The following SLC22A23 variants were observed in gnomAD, a reference collection of about 807,000 sequenced individuals.
SLC22A23 encodes the protein solute carrier family 22 member 23.
SLC22A23 carries 26 observed loss-of-function variants against 61.0 expected under a neutral mutation model. That is an observed-to-expected ratio of 0.43 (90% CI 0.31 to 0.59). The LOEUF (loss-of-function observed/expected upper bound fraction) is 0.59, where lower values mean the gene tolerates loss of function less well. SLC22A23 is among the 20% of genes least tolerant of loss of function. The probability of loss-of-function intolerance (pLI) is 0.11; values close to 1 mark genes in which losing one functional copy is unlikely to be tolerated. For synonymous variants in SLC22A23, 430 were observed against 413.9 expected (o/e 1.04, Z -0.47); for missense variants, 796 against 934.7 (o/e 0.85, Z 1.94).
rs1192694586 is a variant in SLC22A23, at chr6:3,386,367, C to G, written c.913+23821G>C. ...CTGGAGAGCGAAGGAGAAGGGAGAG[C>G]ACGCTTGCTCTGTGTACGCCACACG... is the stretch of plus-strand genomic sequence containing the variant. On this transcript the variant is annotated intron_variant, in intron 3 of 9. Coordinates refer to ENST00000406686, the MANE Select transcript of SLC22A23 (RefSeq NM_015482.2). This position sits in a 1 kb window ranked among gnomAD's most constrained non-coding sequence, Gnocchi z 4.4. Among the ~76,000 whole-genome samples, 1 of 152,186 alleles carries G rather than the reference C, an allele frequency of 6.6e-6. No homozygotes were observed. The highest frequency in any genetic ancestry group is 6.5e-5 in the Admixed American group (1 of 15,282).
rs548352381 is a variant in SLC22A23 at position 3,390,613 on chromosome 6, T to A, written c.913+19575A>T. Among the ~76,000 whole-genome samples, 6 of 152,280 alleles carry A rather than the reference T, an allele frequency of 3.9e-5. No homozygotes were observed. The highest frequency in any genetic ancestry group is 4.8e-5 in the African/African-American group (2 of 41,556). On this transcript the variant is annotated intron_variant, in intron 3 of 9. Coordinates refer to ENST00000406686, the MANE Select transcript of SLC22A23 (RefSeq NM_015482.2). The surrounding 1 kb of genome is among the most constrained non-coding windows in gnomAD (Gnocchi z 4.0). ...TAAATGTTACCTAAGAATAACCTAA[T>A]GCAGAGATGTACACACTGGGGCCAC...
chr6:3,362,257 A>G (rs1449257933), intron 3 of SLC22A23, among the ~76,000 whole-genome samples: 2 of 151,558 alleles, frequency 1.3e-5, no homozygotes, highest in Admixed American at 1.3e-4. Context: ...ACAAAAAATT[A>G]GCTGGGCGTG....
chr6:3,368,297 T>C (rs1284440638), intron 3 of SLC22A23, among the ~76,000 whole-genome samples: 1 of 152,210 alleles, frequency 6.6e-6, no homozygotes, highest in East Asian at 1.9e-4. Context: ...TTGCACCCCA[T>C]GCTCAACCCG....
At chr6:3,355,667 T>C (rs368377789) in intron 3 of SLC22A23, among the ~76,000 whole-genome samples, 2 of 152,090 alleles carry the variant, frequency 1.3e-5, no homozygotes, top group African/African-American at 4.8e-5. Flanking sequence ...GCTAGGCCAC[T>C]TGATGCCTGG....
chr6:3,429,908 G>A (rs902634236), intron 1 of SLC22A23, among the ~76,000 whole-genome samples: 1 of 152,200 alleles, frequency 6.6e-6, no homozygotes, highest in Non-Finnish European at 1.5e-5. Context: ...GAGTGGGGAT[G>A]AGTTATAGTT....
chr6:3,380,861 C>T (rs1766909640), intron 3 of SLC22A23, among the ~76,000 whole-genome samples: 1 of 152,170 alleles, frequency 6.6e-6, no homozygotes, highest in African/African-American at 2.4e-5. Flanking sequence ...GGAGCAGCTA[C>T]CATTGTGAAT....
intron 3 of SLC22A23, among the ~76,000 whole-genome samples, chr6:3,335,284 C>T (rs528037650): frequency 1.1e-4 from 17 of 152,294 alleles, no homozygotes; most frequent in African/African-American, 3.1e-4. Flanking sequence ...GCGGAGGCTC[C>T]GAGGCCTTCT....
intron 1 of SLC22A23, among the ~76,000 whole-genome samples, chr6:3,452,328 C>A (rs1454063131): frequency 6.6e-6 from 1 of 152,038 alleles, no homozygotes; most frequent in Non-Finnish European, 1.5e-5. Flanking sequence ...GCTGGTGGCT[C>A]ACACCTATAA....
At chr6:3,334,391 C>T (rs1394774650) in intron 3 of SLC22A23, among the ~76,000 whole-genome samples, 1 of 152,144 alleles carries the variant, frequency 6.6e-6, no homozygotes, top group Non-Finnish European at 1.5e-5. Flanking sequence ...GAACTCCTGA[C>T]CTCAGGCGAT....
At chr6:3,284,896 G>A in intron 8 of SLC22A23, 183 bp downstream of exon 8, 1 of 1,536,878 alleles carries the variant, frequency 6.5e-7, no homozygotes, top group Non-Finnish European at 8.7e-7. Flanking sequence ...CTTTCTAGAG[G>A]CAAGAGGGAG....
In SLC22A23 at chr6:3,309,034, A is replaced by G. The variant is rs998620601; in HGVS notation, c.1083-10816T>C. ...ACCCCATGGCTTCAATTAATCTTAAAAAGAGCCGAGGGCTGGGCGCTTTGG... is the reference window on the plus strand; with the variant it reads ...ACCCCATGGCTTCAATTAATCTTAAGAAGAGCCGAGGGCTGGGCGCTTTGG... On this transcript the variant is annotated intron_variant, in intron 4 of 9. Coordinates refer to ENST00000406686, the MANE Select transcript of SLC22A23 (RefSeq NM_015482.2). The surrounding 1 kb of genome is among the most constrained non-coding windows in gnomAD (Gnocchi z 4.7). Among the ~76,000 whole-genome samples the G allele has an allele frequency of 6.6e-6, 1 of 151,330 alleles. No homozygotes were observed. The highest frequency in any genetic ancestry group is 1.5e-5 in the Non-Finnish European group (1 of 67,888).
At chr6:3,355,326 T>C (rs1765004491) in intron 3 of SLC22A23, among the ~76,000 whole-genome samples, 2 of 152,080 alleles carry the variant, frequency 1.3e-5, no homozygotes, top group African/African-American at 4.8e-5. Context: ...CATCGACTTA[T>C]TAGGTACAGT....
intron 3 of SLC22A23, among the ~76,000 whole-genome samples, chr6:3,373,097 A>G (rs1229079418): frequency 6.6e-6 from 1 of 152,148 alleles, no homozygotes; most frequent in Non-Finnish European, 1.5e-5. Flanking sequence ...CTCACAAACA[A>G]TGTGGATTGT....
At position 3,387,864 on chromosome 6, in the gene SLC22A23, A is replaced by G. The variant is rs986916877; in HGVS notation, c.913+22324T>C. On this transcript the variant is annotated intron_variant, in intron 3 of 9. Coordinates refer to ENST00000406686, the MANE Select transcript of SLC22A23 (RefSeq NM_015482.2). The surrounding 1 kb of genome is among the most constrained non-coding windows in gnomAD (Gnocchi z 5.0). ...TGAGGGTGAGTGGCAGGAAAGGAGA[A>G]GGCAGGCCGCAGCGAGGATGTCCTG... Among the ~76,000 whole-genome samples, 1 of 152,220 alleles carries G rather than the reference A, an allele frequency of 6.6e-6. No homozygotes were observed. Among genetic ancestry groups the G allele is most frequent in the Admixed American group, 6.5e-5 (1 of 15,286 alleles).
In SLC22A23 at chr6:3,309,124, AC is replaced by A. The variant is rs1762194925; in HGVS notation, c.1083-10907del. Among the ~76,000 whole-genome samples, 1 of 148,676 alleles carries A rather than the reference AC, an allele frequency of 6.7e-6. No homozygotes were observed. The highest frequency in any genetic ancestry group is 1.5e-5 in the Non-Finnish European group (1 of 67,184). ...AGACCAGCCTGTCCAACATGGTGAA[AC>A]CCCCATCTCTACTAAAAACGCAAAA... On this transcript the variant is annotated intron_variant, in intron 4 of 9. Coordinates refer to ENST00000406686, the MANE Select transcript of SLC22A23 (RefSeq NM_015482.2). The surrounding 1 kb of genome is among the most constrained non-coding windows in gnomAD (Gnocchi z 4.7).
intron 1 of SLC22A23, among the ~76,000 whole-genome samples, chr6:3,422,933 CCA>C (rs1251619664): frequency 6.6e-6 from 1 of 152,170 alleles, no homozygotes; most frequent in Non-Finnish European, 1.5e-5. Flanking sequence ...GAAACCCACC[CCA>C]GAGCCACACC....
chr6:3,276,356 C>G (rs1462849427), intron 9 of SLC22A23, among the ~76,000 whole-genome samples: 1 of 152,224 alleles, frequency 6.6e-6, no homozygotes, highest in Non-Finnish European at 1.5e-5. Context: ...AGCCCATGAC[C>G]AAGTCCTCAG....
In SLC22A23 at chr6:3,269,831, G is replaced by A. The variant is rs1456938786; in HGVS notation, c.*3224C>T. ...GGTGTGACCTCACAGGCCCACTTAT[G>A]GCACTTGCAGTTTGGGATTGCTCAT... On this transcript the variant is annotated 3_prime_UTR_variant, in exon 10 of 10. Transcript: ENST00000406686. 2.6e-5 allele frequency: 4 copies of A among 152,834 alleles called. No individual in the cohort carries two copies. Among genetic ancestry groups the A allele is most frequent in the African/African-American group, 7.2e-5 (3 of 41,460 alleles). The allele number at this position is 152,834 out of a possible 1,614,324, so 9.5% of individuals were successfully genotyped here. A position where few individuals can be genotyped will look rare whatever the true frequency, so the allele number is the denominator to read the frequency against.
chr6:3,319,067 C>T (rs77926543), intron 4 of SLC22A23, among the ~76,000 whole-genome samples: 5,058 of 152,306 alleles, frequency 0.033, 279 homozygotes, highest in African/African-American at 0.11. Context: ...GCCTTCTCCA[C>T]GAAGCAGACA....
Sources: allele counts gnomAD v4.1 joint callset (sites outside exome capture counted in the v4.1 genomes callset), GRCh38; gene constraint gnomAD v4.1.1; non-coding constraint Gnocchi (gnomAD v3.1); transcripts MANE v1.5; gene names NCBI Gene and HGNC (gene_info 2026-07-23, HGNC 2026-07-21).